The following SLC7A9 variants were observed in gnomAD, a reference collection of about 807,000 sequenced individuals.
The protein encoded by SLC7A9 is solute carrier family 7 member 9.
A neutral mutation model predicts 54.1 loss-of-function variants in SLC7A9; 38 were observed. That is an observed-to-expected ratio of 0.70 (90% CI 0.54 to 0.92). The LOEUF (loss-of-function observed/expected upper bound fraction) is 0.92, where lower values mean the gene tolerates loss of function less well. Among genes scored for constraint, SLC7A9 ranks in the 40% least tolerant of loss-of-function variants. SLC7A9 has a pLI of 0.00. For missense variants in SLC7A9, 537 were observed against 636.1 expected (o/e 0.84, Z 1.68); for synonymous variants, 264 against 258.9 (o/e 1.02, Z -0.19).
intron 11 of SLC7A9, among the ~76,000 whole-genome samples, chr19:32,836,974 TC>T (rs1967975739): frequency 6.6e-6 from 1 of 152,182 alleles, no homozygotes; most frequent in Admixed American, 6.6e-5. Flanking sequence ...GCTTTGAAGA[TC>T]CGCCTGAAAA....
chr19:32,841,732 C>T (rs1043371160), intron 11 of SLC7A9, among the ~76,000 whole-genome samples: 1 of 152,114 alleles, frequency 6.6e-6, no homozygotes, highest in Non-Finnish European at 1.5e-5. Context: ...CATGGTAAAA[C>T]CCCATCTCTA....
chr19:32,831,589 G>A (rs555041674), intron 12 of SLC7A9, among the ~76,000 whole-genome samples: 8 of 152,198 alleles, frequency 5.3e-5, no homozygotes, highest in Non-Finnish European at 1.0e-4. Flanking sequence ...TGCCCGGCCC[G>A]ATATAGACTT....
At chr19:32,851,536 G>C (rs952297186) in intron 9 of SLC7A9, among the ~76,000 whole-genome samples, 1 of 150,642 alleles carries the variant, frequency 6.6e-6, no homozygotes, top group Non-Finnish European at 1.5e-5. Flanking sequence ...TGCTGGAGAG[G>C]ATGTGGAGAA....
chr19:32,857,381 CTA>C (rs1269582893), intron 9 of SLC7A9, among the ~76,000 whole-genome samples: 1 of 152,030 alleles, frequency 6.6e-6, no homozygotes, highest in Non-Finnish European at 1.5e-5. Context: ...GAGGTAGAGG[CTA>C]CAGTGAGCCA....
intron 10 of SLC7A9, 85 bp from the exon 11 acceptor site, chr19:32,842,402 T>C (rs1968153726): frequency 2.2e-6 from 3 of 1,359,080 alleles, no homozygotes; most frequent in Non-Finnish European, 3.1e-6. Context: ...CAGTTTTTCT[T>C]GTGAATAAAC....
intron 8 of SLC7A9, 121 bp downstream of exon 8, chr19:32,859,720 T>C: frequency 1.1e-6 from 1 of 914,032 alleles, no homozygotes; most frequent in Non-Finnish European, 1.8e-6. Context: ...GCCCAGTCCA[T>C]GTCCCCGTCC....
In SLC7A9 at chr19:32,852,832, T is replaced by C. The variant is rs540978716; in HGVS notation, c.977+5608A>G. ...AAAATAATTCTAAGTGTATAGGGAA[T>C]GCTAAACAGACAAGGAGAAGTCTGA... On this transcript the variant is annotated intron_variant, in intron 9 of 12. Transcript: ENST00000023064. Among the ~76,000 whole-genome samples the C allele has an allele frequency of 1.3e-4, 20 of 151,530 alleles. No individual in the cohort carries two copies. The South Asian group carries it at 3.7e-3, about 28-fold the overall frequency.
At chr19:32,846,186 A>AC (rs1568518712) in intron 9 of SLC7A9, among the ~76,000 whole-genome samples, 4 of 145,240 alleles carry the variant, frequency 2.8e-5, no homozygotes, top group Admixed American at 6.9e-5. Flanking sequence ...CAGTGGGTGC[A>AC]GCACACCGTG....
At chr19:32,839,881 T>C (rs912292501) in intron 11 of SLC7A9, among the ~76,000 whole-genome samples, 1 of 152,212 alleles carries the variant, frequency 6.6e-6, no homozygotes, top group African/African-American at 2.4e-5. Flanking sequence ...CAATTTTAGC[T>C]CAAAATTTCC....
rs569188246 is a variant in SLC7A9, at chr19:32,831,552, T to C, written c.1400-868A>G. On this transcript the variant is annotated intron_variant, in intron 12 of 12. Coordinates refer to ENST00000023064, the MANE Select transcript of SLC7A9 (RefSeq NM_014270.5). The stretch of plus-strand genomic sequence containing the variant: ...GATCTGCCCCCTCAGCCTCCCAAAG[T>C]GCTGGGATTACAGACATGAGCCACC... Among the ~76,000 whole-genome samples the C allele has an allele frequency of 2.0e-5, 3 of 152,252 alleles. No homozygotes were observed. The South Asian group carries it at 6.2e-4, about 32-fold the overall frequency.
intron 11 of SLC7A9, 120 bp downstream of exon 11, chr19:32,842,048 A>G (rs1968141340): frequency 4.1e-6 from 4 of 982,426 alleles, no homozygotes; most frequent in African/African-American, 3.2e-5. Flanking sequence ...CTAAAATACG[A>G]TATTTTAAAA....
At position 32,833,097 on chromosome 19, in the gene SLC7A9, C is replaced by T. The variant is rs1472680801; in HGVS notation, c.1399+52G>A. 17 of 1,559,074 alleles carry T rather than the reference C, an allele frequency of 1.1e-5. No homozygotes were observed. In the East Asian group the frequency reaches 1.8e-4, roughly 16 times the overall value. On this transcript the variant is annotated intron_variant, in intron 12 of 12. Transcript: ENST00000023064. Reference sequence around the variant, plus strand: ...TTGGAGTCAGGACAGGTGAGGACGCCGTGCCTGCCTGCACCTCACAGAGGC... The same window carrying T: ...TTGGAGTCAGGACAGGTGAGGACGCTGTGCCTGCCTGCACCTCACAGAGGC...
Position 32,862,548 on chromosome 19 carries a change from C to G in SLC7A9, c.517G>C (p.Gly173Arg). ...GTGAAGATGTTCTGGACGTAGCTTCCCAGCCGCACGCTCAGTGAGTTCACT... is the reference window on the plus strand; with the variant it reads ...GTGAAGATGTTCTGGACGTAGCTTCGCAGCCGCACGCTCAGTGAGTTCACT... Reference protein sequence around the residue: ...STVNSLSVRLGSYVQNIFTAA... With the variant: ...STVNSLSVRLRSYVQNIFTAA... The change falls in exon 5 of 13, where the codon GGA becomes CGA. Residue 173 changes from glycine to arginine, a missense_variant. Physicochemically the swap from Gly to Arg is moderately radical, Grantham distance 125 (BLOSUM62 -2). Transcript: ENST00000023064. The G allele has an allele frequency of 4.3e-6, 7 of 1,613,972 alleles. No individual in the cohort carries two copies. The highest frequency in any genetic ancestry group is 5.9e-6 in the Non-Finnish European group (7 of 1,180,032).
chr19:32,859,994 G>A (rs376288769), intron 7 of SLC7A9, 30 bp from the exon 8 acceptor site: 11 of 1,613,894 alleles, frequency 6.8e-6, no homozygotes, highest in Admixed American at 3.3e-5. Flanking sequence ...GGAGACCCAC[G>A]TTCAGACCAC....
chr19:32,837,640 A>AT (rs1968001654), intron 11 of SLC7A9, among the ~76,000 whole-genome samples: 1 of 152,122 alleles, frequency 6.6e-6, no homozygotes, highest in Admixed American at 6.6e-5. Context: ...AACAGTTAAC[A>AT]TGGTTGTTGA....
chr19:32,857,447 ATTAATTAG>A (rs1968661518), intron 9 of SLC7A9, among the ~76,000 whole-genome samples: 1 of 151,754 alleles, frequency 6.6e-6, no homozygotes, highest in Non-Finnish European at 1.5e-5. Context: ...TTGCCTCAAA[ATTAATTAG>A]TTAATTAAAA....
At chr19:32,856,182 AAAATAG>A (rs1272282145) in intron 9 of SLC7A9, among the ~76,000 whole-genome samples, 6 of 150,720 alleles carry the variant, frequency 4.0e-5, no homozygotes, top group African/African-American at 1.5e-4. Context: ...TGTATATTTC[AAAATAG>A]CTAGTGGTTT....
In SLC7A9 at chr19:32,830,674, G is replaced by T. The variant is rs753371981; in HGVS notation, c.1410C>A (p.Thr470=). The T allele has an allele frequency of 6.2e-6, 10 of 1,613,816 alleles. No homozygotes were observed. The highest frequency in any genetic ancestry group is 1.1e-5 in the South Asian group (1 of 91,072). ...GWAQKISKPI[T]MHLQMLMEVV... is the part of the protein sequence containing the mutation. ...CTTCCATTAGCATCTGAAGGTGCATGGTAATCGGCTCTGAAATAAGAGTCA... is the reference window on the plus strand; with the variant it reads ...CTTCCATTAGCATCTGAAGGTGCATTGTAATCGGCTCTGAAATAAGAGTCA... The change falls in exon 13 of 13, where the codon ACC becomes ACA. Residue 470 remains threonine, a synonymous_variant. Transcript: ENST00000023064.
chr19:32,860,323 G>A lies in SLC7A9; in HGVS notation c.749+283C>T, dbSNP rs181067354. 540 of 1,376,006 alleles carry A rather than the reference G, an allele frequency of 3.9e-4. 1 individual carries two copies. In the East Asian group the frequency reaches 0.011, roughly 29 times the overall value. 85.2% of individuals were successfully genotyped at this position (1,376,006 alleles called of 1,614,324 possible). On this transcript the variant is annotated intron_variant, in intron 7 of 12. Coordinates refer to ENST00000023064, the MANE Select transcript of SLC7A9 (RefSeq NM_014270.5). Reference sequence around the variant, plus strand: ...TGTAATCCCAGCACTTTGGGAGGCCGAGATGGGCGAATCTCTTGAGGTTGG... The same window carrying A: ...TGTAATCCCAGCACTTTGGGAGGCCAAGATGGGCGAATCTCTTGAGGTTGG...
Sources: gnomAD v4.1 joint callset for allele counts (sites outside exome capture counted in the v4.1 genomes callset) on GRCh38, gnomAD v4.1.1 for gene constraint, MANE v1.5 for transcripts, NCBI Gene and HGNC (gene_info 2026-07-23, HGNC 2026-07-21) for gene names.